The following TGFB2 variants were observed in gnomAD, a reference collection of about 807,000 sequenced individuals.
TGFB2 encodes transforming growth factor beta-2 proprotein.
Under a neutral mutation model 42.7 loss-of-function variants are expected in TGFB2, and 13 were observed. The observed-to-expected ratio is 0.30, with a 90% CI of 0.20 to 0.48. The LOEUF is 0.48. TGFB2 is among the 20% of genes least tolerant of loss of function. The probability of loss-of-function intolerance (pLI) is 0.99; values close to 1 mark genes in which losing one functional copy is unlikely to be tolerated. For synonymous variants in TGFB2, 193 were observed against 193.6 expected (o/e 1.00, Z 0.03); for missense variants, 390 against 517.5 (o/e 0.75, Z 2.39).
At chr1:218,408,061 G>C (rs532923096) in intron 2 of TGFB2, among the ~76,000 whole-genome samples, 3 of 152,086 alleles carry the variant, frequency 2.0e-5, no homozygotes, top group African/African-American at 7.2e-5. Context: ...GCTGACGATA[G>C]CATCATAGGT....
In TGFB2 at chr1:218,405,339, T is replaced by C. The variant is rs759749010; in HGVS notation, c.510+7T>C. 1.9e-6 allele frequency: 3 copies of C among 1,612,618 alleles called. No individual in the cohort carries two copies. The highest frequency in any genetic ancestry group is 3.3e-5 in the Admixed American group (2 of 59,834). On this transcript the variant is annotated splice_region_variant and intron_variant, in intron 2 of 6. Coordinates refer to ENST00000366930, the MANE Select transcript of TGFB2 (RefSeq NM_003238.6). ...ACGGATTGAGCTATATCAGGTAATG[T>C]TCATTTGTTGTTGTTGTTGTTGTTG...
chr1:218,405,516 C>T lies in TGFB2; in HGVS notation c.510+184C>T, dbSNP rs893751102. 9 of 1,002,614 alleles carry T rather than the reference C, an allele frequency of 9.0e-6. No individual in the cohort carries two copies. In the African/African-American group the frequency reaches 1.3e-4, roughly 14 times the overall value. The allele number at this position is 1,002,614 out of a possible 1,614,324, so 62.1% of individuals were successfully genotyped here. ...AGTCAATGGGACTGCAGGAGTGCAC[C>T]ATCACACCCGATTATCTTTTTAAAA... On this transcript the variant is annotated intron_variant, in intron 2 of 6. Coordinates refer to ENST00000366930, the MANE Select transcript of TGFB2 (RefSeq NM_003238.6).
intron 6 of TGFB2, among the ~76,000 whole-genome samples, chr1:218,440,914 G>GA (rs1182265174): frequency 6.7e-6 from 1 of 149,220 alleles, no homozygotes; most frequent in Non-Finnish European, 1.5e-5. Context: ...AGACTTACTG[G>GA]AAAAACCGGG....
At chr1:218,429,493 C>T (rs1212093971) in intron 2 of TGFB2, among the ~76,000 whole-genome samples, 1 of 152,166 alleles carries the variant, frequency 6.6e-6, no homozygotes, top group East Asian at 1.9e-4. Flanking sequence ...GCATTCATCT[C>T]TTGATGAGTA....
intron 1 of TGFB2, among the ~76,000 whole-genome samples, chr1:218,370,997 C>T (rs1383425129): frequency 6.6e-6 from 1 of 152,090 alleles, no homozygotes; most frequent in African/African-American, 2.4e-5. Flanking sequence ...AAAGGTTTCG[C>T]CCACTTTAAA....
chr1:218,352,289 T>G (rs1186542789), intron 1 of TGFB2, among the ~76,000 whole-genome samples: 1 of 152,216 alleles, frequency 6.6e-6, no homozygotes, highest in Non-Finnish European at 1.5e-5. Context: ...CCAGATGTGC[T>G]TGCTCTATTT....
intron 1 of TGFB2, among the ~76,000 whole-genome samples, chr1:218,395,805 G>A (rs1299071771): frequency 6.6e-6 from 1 of 151,802 alleles, no homozygotes; most frequent in African/African-American, 2.4e-5. Flanking sequence ...TAGTAGAGAC[G>A]GGATTTCACC....
At chr1:218,382,611 T>A (rs1658001415) in intron 1 of TGFB2, among the ~76,000 whole-genome samples, 1 of 152,184 alleles carries the variant, frequency 6.6e-6, no homozygotes, top group Non-Finnish European at 1.5e-5. Context: ...AAAGTGAGAT[T>A]TTTTTTTCTC....
At chr1:218,366,290 G>A (rs1408274879) in intron 1 of TGFB2, among the ~76,000 whole-genome samples, 1 of 152,074 alleles carries the variant, frequency 6.6e-6, no homozygotes, top group East Asian at 1.9e-4. Flanking sequence ...AAGATTTAAA[G>A]GTGGTATTTC....
intron 6 of TGFB2, 106 bp from the exon 7 acceptor site, chr1:218,441,098 C>T (rs1032499182): frequency 6.8e-5 from 71 of 1,037,144 alleles, no homozygotes; most frequent in Admixed American, 1.1e-4. Context: ...TTTAAATTGC[C>T]TACTCAGTGC....
chr1:218,359,248 T>C (rs567186604), intron 1 of TGFB2, among the ~76,000 whole-genome samples: 1 of 152,338 alleles, frequency 6.6e-6, no homozygotes, highest in Admixed American at 6.5e-5. Flanking sequence ...GTCTTCACTG[T>C]TTTCTGTCTG....
intron 1 of TGFB2, among the ~76,000 whole-genome samples, chr1:218,387,059 A>G (rs190238243): frequency 6.6e-6 from 1 of 152,336 alleles, no homozygotes; most frequent in Non-Finnish European, 1.5e-5. Flanking sequence ...GAAGAGCCAG[A>G]GACACTTCTA....
chr1:218,351,859 C>T (rs1290031229), intron 1 of TGFB2, among the ~76,000 whole-genome samples: 1 of 152,122 alleles, frequency 6.6e-6, no homozygotes, highest in Non-Finnish European at 1.5e-5. Context: ...AATGACAGAT[C>T]GTTTTTCCTA....
Position 218,441,562 on chromosome 1 carries a change from A to T in TGFB2, c.*200A>T. On this transcript the variant is annotated 3_prime_UTR_variant, in exon 7 of 7. Coordinates refer to ENST00000366930, the MANE Select transcript of TGFB2 (RefSeq NM_003238.6). ...TTAAAACTGGCATCTGACACAAAAA[A>T]AGTTGAAGGCCTTATTCTACATTTC... 2.1e-6 allele frequency: 1 copy of T among 467,618 alleles called. No homozygotes were observed. Among genetic ancestry groups the T allele is most frequent in the Non-Finnish European group, 3.6e-6 (1 of 277,466 alleles). The allele number at this position is 467,618 out of a possible 1,614,324, so 29.0% of individuals were successfully genotyped here.
At position 218,441,191 on chromosome 1, in the gene TGFB2, T is replaced by G. The variant is rs374394434; in HGVS notation, c.1087-13T>G. On this transcript the variant is annotated splice_polypyrimidine_tract_variant and intron_variant, in intron 6 of 6. Coordinates refer to ENST00000366930, the MANE Select transcript of TGFB2 (RefSeq NM_003238.6). Reference sequence around the variant, plus strand: ...TTTCCCTATGTTGTCTCTCCTCTCCTGTGTCCTTTCAGGTCCTGAGCTTAT... The same window carrying G: ...TTTCCCTATGTTGTCTCTCCTCTCCGGTGTCCTTTCAGGTCCTGAGCTTAT... 26 of 1,600,120 alleles carry G rather than the reference T, an allele frequency of 1.6e-5. No homozygotes were observed. The highest frequency in any genetic ancestry group is 5.4e-5 in the Admixed American group (3 of 55,280).
intron 1 of TGFB2, among the ~76,000 whole-genome samples, chr1:218,370,922 C>G (rs1657549324): frequency 6.6e-6 from 1 of 152,164 alleles, no homozygotes; most frequent in African/African-American, 2.4e-5. Flanking sequence ...GGGAGAGGGA[C>G]AGCCAGCATT....
chr1:218,390,119 G>A (rs568636784), intron 1 of TGFB2, among the ~76,000 whole-genome samples: 74 of 152,142 alleles, frequency 4.9e-4, no homozygotes, highest in Non-Finnish European at 8.7e-4. Flanking sequence ...AGAGGACTTA[G>A]TAAATGCTTT....
intron 2 of TGFB2, among the ~76,000 whole-genome samples, chr1:218,416,427 G>A (rs558069140): frequency 2.6e-4 from 39 of 151,952 alleles, no homozygotes; most frequent in Non-Finnish European, 1.0e-4. Flanking sequence ...TTGGAACCCC[G>A]TTCTAGAACT....
chr1:218,365,635 T>C (rs996819677), intron 1 of TGFB2, among the ~76,000 whole-genome samples: 4 of 150,950 alleles, frequency 2.6e-5, no homozygotes, highest in African/African-American at 9.7e-5. Context: ...AGACCTTCCC[T>C]GCAAGGCTGC....
Sources: gnomAD v4.1 joint callset for allele counts (sites outside exome capture counted in the v4.1 genomes callset) on GRCh38, gnomAD v4.1.1 for gene constraint, MANE v1.5 for transcripts, NCBI Gene and HGNC (gene_info 2026-07-23, HGNC 2026-07-21) for gene names.